Variants in ABCB9 observed in about 807,000 individuals in gnomAD.
The protein encoded by ABCB9 is ABC-type oligopeptide transporter ABCB9.
In ABCB9, 36 loss-of-function variants were observed where a neutral mutation model predicts 62.0. The ratio of observed to expected loss-of-function variants is 0.58; its 90% CI spans 0.45 to 0.77. The LOEUF is 0.77. Among genes scored for constraint, ABCB9 ranks in the 30% least tolerant of loss-of-function variants. The pLI is 0.00. For synonymous variants in ABCB9, 435 were observed against 461.4 expected, an observed-to-expected ratio of 0.94 and a Z score of 0.73; for missense variants, 943 against 1,054.7, an observed-to-expected ratio of 0.89 and a Z score of 1.47.
chr12:122,919,305 T>C (rs2034690661), downstream of ABCB9, among the ~76,000 whole-genome samples: 1 of 152,120 alleles, frequency 6.6e-6, no homozygotes, highest in African/African-American at 2.4e-5. Flanking sequence ...CACAAGTAGC[T>C]GGGACGACCG....
In ABCB9 at chr12:122,921,130, G is replaced by T. The variant is rs1332555011; in HGVS notation, c.2041-87C>A. ...CCTCTGGATCATGCAATTTAAAATG[G>T]TTGGCTGGGCGTGATGGGGCACACC... On this transcript the variant is annotated intron_variant, in intron 11 of 11. Coordinates refer to the ABCB9 transcript ENST00000344275. The T allele has an allele frequency of 2.8e-6, 4 of 1,422,844 alleles. No homozygotes were observed. The East Asian group carries it at 7.5e-5, about 27-fold the overall frequency. The allele number at this position is 1,422,844 out of a possible 1,614,324, so 88.1% of individuals were successfully genotyped here. A position where few individuals can be genotyped will look rare whatever the true frequency, so the allele number is the denominator to read the frequency against.
At chr12:122,953,145 C>G (rs2036444935) in intron 2 of ABCB9, 1 of 152,302 alleles carries the variant, frequency 6.6e-6, no homozygotes, top group African/African-American at 2.4e-5. Flanking sequence ...TCTTGAACAA[C>G]TGGGCACCTT....
chr12:122,936,175 A>G (rs1049859438), intron 9 of ABCB9, among the ~76,000 whole-genome samples: 1 of 152,242 alleles, frequency 6.6e-6, no homozygotes, highest in Non-Finnish European at 1.5e-5. Flanking sequence ...AAATAGTGAC[A>G]GTGCATCCTT....
At position 122,966,313 on chromosome 12, in the gene ABCB9, G is replaced by A. The variant is rs972447033; in HGVS notation, c.-114C>T. The A allele has an allele frequency of 6.6e-6, 1 of 152,614 alleles. No homozygotes were observed. The highest frequency in any genetic ancestry group is 1.5e-5 in the Non-Finnish European group (1 of 68,344). The allele number at this position is 152,614 out of a possible 1,614,324, so 9.5% of individuals were successfully genotyped here. A position where few individuals can be genotyped will look rare whatever the true frequency, so the allele number is the denominator to read the frequency against. ...TGTTACCTGGCACCAGGTGAGCTCTGGGAGGGGGCGCGCAGCAGGCTCGGG... is the reference window on the plus strand; with the variant it reads ...TGTTACCTGGCACCAGGTGAGCTCTAGGAGGGGGCGCGCAGCAGGCTCGGG... On this transcript the variant is annotated 5_prime_UTR_variant, in exon 1 of 12. Transcript: ENST00000280560.
In ABCB9 at chr12:122,948,634, T is replaced by C; in HGVS notation, c.1043A>G (p.Lys348Arg). ...IIMMVSNIYG[K>R]YYKRLSKEVQ... ...ACAGGGCAGGCCTACCTTGTAGTAC[T>C]TGCCGTAGATGTTGGACACCATCAT... The change falls in exon 5 of 12, where the codon AAG becomes AGG. Residue 348 changes from lysine to arginine, a missense_variant. Physicochemically the swap from Lys to Arg is conservative, Grantham distance 26. Transcript: ENST00000280560. 1.4e-5 allele frequency: 22 copies of C among 1,612,340 alleles called. No homozygotes were observed. Among genetic ancestry groups the C allele is most frequent in the Non-Finnish European group, 1.7e-5 (20 of 1,179,012 alleles).
At chr12:122,927,419 C>T (rs753151641), downstream of ABCB9, among the ~76,000 whole-genome samples, 2 of 152,210 alleles carry the variant, frequency 1.3e-5, no homozygotes, top group Non-Finnish European at 2.9e-5. Context: ...ATCCACCCAC[C>T]TTGGCCTCCC....
intron 10 of ABCB9, among the ~76,000 whole-genome samples, chr12:122,933,447 G>A (rs1254267196): frequency 2.0e-5 from 3 of 151,968 alleles, no homozygotes; most frequent in Non-Finnish European, 4.4e-5. Flanking sequence ...CCAGCTACTC[G>A]GGAGGCCGAG....
Position 122,944,735 on chromosome 12 carries a change from G to A in ABCB9, c.1252-216C>T, listed in dbSNP as rs2035947821. 11 of 565,694 alleles carry A rather than the reference G, an allele frequency of 1.9e-5. No individual in the cohort carries two copies. In the East Asian group the frequency reaches 3.3e-4, roughly 17 times the overall value. The allele number at this position is 565,694 out of a possible 1,614,324, so 35.0% of individuals were successfully genotyped here. On this transcript the variant is annotated intron_variant, in intron 6 of 11. Transcript: ENST00000280560. The surrounding 1 kb of genome is among the most constrained non-coding windows in gnomAD (Gnocchi z 4.9). The stretch of plus-strand genomic sequence containing the variant: ...CAGAGGCCTCCAGCTGGAGCAGGCT[G>A]TGGGCTTGGCCACAGAACAAGGCTT...
At chr12:122,954,940 A>G (rs923340721) in intron 2 of ABCB9, among the ~76,000 whole-genome samples, 14 of 152,194 alleles carry the variant, frequency 9.2e-5, no homozygotes, top group African/African-American at 3.1e-4. Context: ...TGTTGATTGA[A>G]AAATAATTAT....
At chr12:122,938,150 G>A (rs2035555027) in intron 9 of ABCB9, among the ~76,000 whole-genome samples, 3 of 152,174 alleles carry the variant, frequency 2.0e-5, no homozygotes, top group African/African-American at 7.2e-5. Context: ...TTGGGAGAAC[G>A]TACTCATGTA....
chr12:122,971,029 G>A (rs1200400307), upstream of ABCB9, among the ~76,000 whole-genome samples: 1 of 152,146 alleles, frequency 6.6e-6, no homozygotes, highest in Non-Finnish European at 1.5e-5. Context: ...GGGTGAGTAG[G>A]CAGGGCACAG....
At chr12:122,941,064 A>G (rs2035740347) in intron 7 of ABCB9, 69 bp from the exon 8 acceptor site, 1 of 1,471,976 alleles carries the variant, frequency 6.8e-7, no homozygotes, top group East Asian at 2.5e-5. Flanking sequence ...CTGCTACTAG[A>G]GAGGAGGCAG....
chr12:122,969,237 C>T (rs2037244444), upstream of ABCB9, among the ~76,000 whole-genome samples: 1 of 150,918 alleles, frequency 6.6e-6, no homozygotes, highest in South Asian at 2.1e-4. Context: ...CATTTGCATC[C>T]CCAGCCTAGT....
At chr12:122,948,922 G>A in intron 4 of ABCB9, 93 bp from the exon 5 acceptor site, 1 of 949,998 alleles carries the variant, frequency 1.1e-6, no homozygotes. Flanking sequence ...CAGACACTGG[G>A]AAGCCGGGCC....
At chr12:122,952,103 G>C (rs1310099107) in intron 2 of ABCB9, 1 of 153,184 alleles carries the variant, frequency 6.5e-6, no homozygotes, top group African/African-American at 2.4e-5. Context: ...TGGAAGCAGA[G>C]AGTGGCCCTC....
chr12:122,960,368 C>T (rs1029975884), intron 1 of ABCB9, 46 bp from the exon 2 acceptor site: 31 of 1,257,130 alleles, frequency 2.5e-5, no homozygotes, highest in Non-Finnish European at 3.2e-5. Context: ...TCAGGTTTGC[C>T]ACTCGCTGGC....
At chr12:122,948,285 T>TCTG (rs1038367411) in intron 5 of ABCB9, 1 of 174,250 alleles carries the variant, frequency 5.7e-6, no homozygotes, top group Non-Finnish European at 1.2e-5. Context: ...TCCCAATCCC[T>TCTG]CTGCTCACTT....
intron 6 of ABCB9, among the ~76,000 whole-genome samples, chr12:122,945,278 T>C (rs921587577): frequency 9.9e-5 from 15 of 152,128 alleles, no homozygotes; most frequent in African/African-American, 3.6e-4. Context: ...CTCCTCCCTC[T>C]CACTCCAAAC....
Position 122,972,415 on chromosome 12 carries a change from G to A in ABCB9, c.-88+2300C>T, listed in dbSNP as rs114899500. 6.0e-3 allele frequency among the ~76,000 whole-genome samples: 913 copies of A among 152,314 alleles called. 9 individuals are homozygous for A. Among genetic ancestry groups the A allele is most frequent in the African/African-American group, 0.021 (856 of 41,574 alleles). ...TCACTCAAGGGAATAGAAAGCAGTCGAGAAAAATAACAGGGGCGCTTCTAC... is the reference window on the plus strand; with the variant it reads ...TCACTCAAGGGAATAGAAAGCAGTCAAGAAAAATAACAGGGGCGCTTCTAC... On this transcript the variant is annotated intron_variant, in intron 1 of 11. Coordinates refer to the ABCB9 transcript ENST00000392439.
Sources: allele counts gnomAD v4.1 joint callset (sites outside exome capture counted in the v4.1 genomes callset), GRCh38; gene constraint gnomAD v4.1.1; non-coding constraint Gnocchi (gnomAD v3.1); transcripts MANE v1.5; gene names NCBI Gene and HGNC (gene_info 2026-07-23, HGNC 2026-07-21).